Variants in UBE2E2 observed in about 807,000 individuals in gnomAD.
The protein encoded by UBE2E2 is ubiquitin-conjugating enzyme E2 E2.
In UBE2E2, 6 loss-of-function variants were observed where a neutral mutation model predicts 24.7. That is an observed-to-expected ratio of 0.24 (90% CI 0.13 to 0.48). UBE2E2 has a LOEUF of 0.48. Ranked by LOEUF, UBE2E2 falls within the 20% of genes least tolerant of loss-of-function variation. The pLI is 0.99. For missense variants in UBE2E2, 169 were observed against 245.0 expected, an observed-to-expected ratio of 0.69 and a Z score of 2.07; for synonymous variants, 104 against 83.6, an observed-to-expected ratio of 1.24 and a Z score of -1.33.
At chr3:23,254,897 T>A (rs1476590981) in intron 3 of UBE2E2, among the ~76,000 whole-genome samples, 1 of 151,654 alleles carries the variant, frequency 6.6e-6, no homozygotes, top group Non-Finnish European at 1.5e-5. Flanking sequence ...TCAGCTTCTT[T>A]AAGGCTTTTT....
chr3:23,413,969 T>C (rs1334493858), intron 3 of UBE2E2, among the ~76,000 whole-genome samples: 2 of 152,196 alleles, frequency 1.3e-5, no homozygotes, highest in Non-Finnish European at 2.9e-5. Flanking sequence ...ATTTGTTCCT[T>C]CTTTTGTATG....
At chr3:23,290,805 C>T (rs945262643) in intron 3 of UBE2E2, among the ~76,000 whole-genome samples, 1 of 148,854 alleles carries the variant, frequency 6.7e-6, no homozygotes, top group African/African-American at 2.5e-5. Flanking sequence ...GTAATCCCAG[C>T]AGTTCTGGGG....
At chr3:23,273,032 A>G (rs1478276834) in intron 3 of UBE2E2, among the ~76,000 whole-genome samples, 1 of 152,156 alleles carries the variant, frequency 6.6e-6, no homozygotes, top group African/African-American at 2.4e-5. Flanking sequence ...TTTGCTTCCA[A>G]TTCAGCTGTT....
At chr3:23,229,070 G>A (rs17012852) in intron 3 of UBE2E2, among the ~76,000 whole-genome samples, 4,350 of 152,150 alleles carry the variant, frequency 0.029, 105 homozygotes, top group East Asian at 0.13. Flanking sequence ...TCTTTTACCC[G>A]TTTCACCCAG....
intron 3 of UBE2E2, among the ~76,000 whole-genome samples, chr3:23,432,325 G>A (rs956839134): frequency 3.3e-5 from 5 of 151,968 alleles, no homozygotes; most frequent in African/African-American, 1.2e-4. Context: ...TTTGTATGAG[G>A]ATTCTTCGTT....
chr3:23,496,959 C>T (rs1452424463), intron 3 of UBE2E2, among the ~76,000 whole-genome samples: 5 of 152,080 alleles, frequency 3.3e-5, no homozygotes. Flanking sequence ...ATAAACATTT[C>T]AATTAATACA....
chr3:23,325,713 A>G (rs1694871488), intron 3 of UBE2E2, among the ~76,000 whole-genome samples: 1 of 152,206 alleles, frequency 6.6e-6, no homozygotes. Context: ...TGTGTGAGAG[A>G]ATGTGCTACT....
intron 3 of UBE2E2, among the ~76,000 whole-genome samples, chr3:23,303,367 C>T (rs1330917305): frequency 6.6e-6 from 1 of 152,150 alleles, no homozygotes; most frequent in Non-Finnish European, 1.5e-5. Context: ...AACCACTCCC[C>T]TCAACCCGGG....
intron 4 of UBE2E2, among the ~76,000 whole-genome samples, chr3:23,502,259 T>C (rs1699740796): frequency 6.7e-6 from 1 of 150,166 alleles, no homozygotes; most frequent in African/African-American, 2.5e-5. Flanking sequence ...ACGTTAGCCA[T>C]GCATTTTGAT....
At chr3:23,522,148 T>TTTAGGCA (rs58369100) in intron 4 of UBE2E2, among the ~76,000 whole-genome samples, 296 of 115,118 alleles carry the variant, frequency 2.6e-3, no homozygotes, top group African/African-American at 4.4e-3. Context: ...TTTTTTTTTT[T>TTTAGGCA]GAGGCAGAGT....
intron 3 of UBE2E2, among the ~76,000 whole-genome samples, chr3:23,325,032 A>G (rs1276455768): frequency 6.6e-6 from 1 of 152,206 alleles, no homozygotes; most frequent in African/African-American, 2.4e-5. Flanking sequence ...GACTAGTCCT[A>G]ATGAAAACTA....
chr3:23,311,586 C>T lies in UBE2E2; in HGVS notation c.227+94274C>T, dbSNP rs1694394059. ...TTGTACAACCTTGGTCAGTTGCTTACATTCTCTGTGCTTTAGTTTCTTAAT... is the reference window on the plus strand; with the variant it reads ...TTGTACAACCTTGGTCAGTTGCTTATATTCTCTGTGCTTTAGTTTCTTAAT... On this transcript the variant is annotated intron_variant, in intron 3 of 5. Transcript: ENST00000396703. Among the ~76,000 whole-genome samples, 6 of 152,096 alleles carry T rather than the reference C, an allele frequency of 3.9e-5. No individual in the cohort carries two copies. In the South Asian group the frequency reaches 1.2e-3, roughly 32 times the overall value.
At chr3:23,510,872 C>G (rs983705247) in intron 4 of UBE2E2, among the ~76,000 whole-genome samples, 11 of 152,066 alleles carry the variant, frequency 7.2e-5, no homozygotes, top group African/African-American at 2.7e-4. Flanking sequence ...AGATACAGCC[C>G]TGGAAGCATG....
At chr3:23,427,702 G>A (rs971913222) in intron 3 of UBE2E2, among the ~76,000 whole-genome samples, 11 of 152,178 alleles carry the variant, frequency 7.2e-5, no homozygotes, top group African/African-American at 2.7e-4. Flanking sequence ...CACATGTAGA[G>A]TAAAGATAAG....
At chr3:23,347,205 G>A (rs572861522) in intron 3 of UBE2E2, among the ~76,000 whole-genome samples, 156 of 152,278 alleles carry the variant, frequency 1.0e-3, no homozygotes, top group African/African-American at 3.3e-3. Flanking sequence ...ATTACTGGGT[G>A]TATACCCAAA....
In UBE2E2 at chr3:23,591,596, A is replaced by G. The variant is rs1388085776; in HGVS notation, c.*1765A>G. 1 of 152,192 alleles carries G rather than the reference A, an allele frequency of 6.6e-6. No homozygotes were observed. The highest frequency in any genetic ancestry group is 2.4e-5 in the African/African-American group (1 of 41,432). The allele number at this position is 152,192 out of a possible 1,614,324, so 9.4% of individuals were successfully genotyped here. On this transcript the variant is annotated 3_prime_UTR_variant, in exon 6 of 6. Transcript: ENST00000396703. ...CTAGTTGTAGTAGAGGGAGCCACAG[A>G]CAGTACATAAATGCATTGGGCAGAG...
At chr3:23,223,676 G>A (rs1426218763) in intron 3 of UBE2E2, among the ~76,000 whole-genome samples, 3 of 152,030 alleles carry the variant, frequency 2.0e-5, no homozygotes, top group African/African-American at 7.3e-5. Flanking sequence ...AGCTTTTTAG[G>A]TTGATGTAAT....
At chr3:23,498,064 T>C (rs1699643266) in intron 3 of UBE2E2, among the ~76,000 whole-genome samples, 1 of 152,236 alleles carries the variant, frequency 6.6e-6, no homozygotes, top group Non-Finnish European at 1.5e-5. Flanking sequence ...TTCATATGAT[T>C]ATTGGCCATT....
At chr3:23,517,179 G>C (rs1209250043) in intron 4 of UBE2E2, among the ~76,000 whole-genome samples, 2 of 151,910 alleles carry the variant, frequency 1.3e-5, no homozygotes, top group Admixed American at 6.6e-5. Context: ...ATTTGAAGTA[G>C]ACACAATGTA....
Sources: gnomAD v4.1 joint callset for allele counts (sites outside exome capture counted in the v4.1 genomes callset) on GRCh38, gnomAD v4.1.1 for gene constraint, MANE v1.5 for transcripts, NCBI Gene and HGNC (gene_info 2026-07-23, HGNC 2026-07-21) for gene names.